The following IFNGR1 variants were observed in gnomAD, a reference collection of about 807,000 sequenced individuals.
IFNGR1 encodes the protein AVP, type 2.
IFNGR1 carries 23 observed loss-of-function variants against 35.4 expected under a neutral mutation model. The ratio of observed to expected loss-of-function variants is 0.65; its 90% CI spans 0.47 to 0.92. The LOEUF is 0.92. Ranked by LOEUF, IFNGR1 falls within the 40% of genes least tolerant of loss-of-function variation. The pLI, the probability that IFNGR1 is intolerant of heterozygous loss-of-function variation, is 0.00. For synonymous variants in IFNGR1, 199 were observed against 209.5 expected (o/e 0.95, Z 0.43); for missense variants, 533 against 583.4 (o/e 0.91, Z 0.89).
chr6:137,207,839 T>C (rs1779478756), intron 1 of IFNGR1, among the ~76,000 whole-genome samples: 1 of 152,124 alleles, frequency 6.6e-6, no homozygotes, highest in Admixed American at 6.6e-5. Flanking sequence ...GGGGCATTGC[T>C]GAAAAGATAC....
intron 1 of IFNGR1, chr6:137,218,455 A>T: frequency 2.3e-6 from 3 of 1,284,214 alleles, no homozygotes; most frequent in Non-Finnish European, 3.0e-6. Flanking sequence ...ACCTACTGCC[A>T]AATCTGCTAG....
rs1464429240 is a variant in IFNGR1 at position 137,203,669 on chromosome 6, A to G, written c.563T>C (p.Leu188Pro). The G allele has an allele frequency of 3.7e-6, 6 of 1,613,160 alleles. No homozygotes were observed. The highest frequency in any genetic ancestry group is 5.1e-6 in the Non-Finnish European group (6 of 1,179,378). The change falls in exon 5 of 7, where the codon CTC (leucine) becomes CCC (proline). Residue 188 changes from leucine to proline, a missense_variant. Physicochemically the swap from Leu to Pro is moderately conservative, Grantham distance 98 (BLOSUM62 -3). Transcript: ENST00000367739. ...MNGSEIQYKILTQKEDDCDEI... is the reference protein window; with the variant it reads ...MNGSEIQYKIPTQKEDDCDEI... Reference sequence around the variant, plus strand: ...GTCACAATCATCTTCCTTCTGCGTGAGTATTTTATACTGGATCTAGATGAA... The same window carrying G: ...GTCACAATCATCTTCCTTCTGCGTGGGTATTTTATACTGGATCTAGATGAA...
At chr6:137,219,097 G>C (rs1779781590) in intron 1 of IFNGR1, 146 bp downstream of exon 1, 2 of 1,014,432 alleles carry the variant, frequency 2.0e-6, no homozygotes, top group Non-Finnish European at 2.9e-6. Context: ...ACCCCACCTC[G>C]CGTCCCCGTC....
chr6:137,201,408 C>T (rs1779273484), intron 5 of IFNGR1, among the ~76,000 whole-genome samples: 1 of 152,194 alleles, frequency 6.6e-6, no homozygotes, highest in South Asian at 2.1e-4. Flanking sequence ...GGCACAGTGG[C>T]TCAAGCCTGT....
At chr6:137,216,373 TA>T (rs1779696670) in intron 1 of IFNGR1, among the ~76,000 whole-genome samples, 1 of 152,208 alleles carries the variant, frequency 6.6e-6, no homozygotes, top group Non-Finnish European at 1.5e-5. Context: ...TAAAAATATA[TA>T]CTACTTTTAT....
Position 137,198,539 on chromosome 6 carries a change from A to C in IFNGR1, c.962T>G (p.Val321Gly). 1 of 1,613,916 alleles carries C rather than the reference A, an allele frequency of 6.2e-7. No individual in the cohort carries two copies. Among genetic ancestry groups the C allele is most frequent in the South Asian group, 1.1e-5 (1 of 91,076 alleles). Residue 321 changes from valine to glycine, a missense_variant, in exon 7 of 7, where the codon GTC becomes GGC. Coordinates refer to ENST00000367739, the MANE Select transcript of IFNGR1 (RefSeq NM_000416.3). ...TGCTGGAGACAACGGCTCTTCACAG[A>C]CCACCTCCTTTTCTAAGGAAAATGG... ...YQPFSLEKEV[V>G]CEEPLSPATV...
intron 2 of IFNGR1, 126 bp downstream of exon 2, chr6:137,206,837 G>A: frequency 1.4e-6 from 1 of 697,574 alleles, no homozygotes; most frequent in Non-Finnish European, 2.5e-6. Context: ...TAGTACTTTT[G>A]GACCTCTATA....
At position 137,200,996 on chromosome 6, in the gene IFNGR1, A is replaced by G. The variant is rs1196861339; in HGVS notation, c.746T>C (p.Ile249Thr). 1.2e-6 allele frequency: 2 copies of G among 1,613,508 alleles called. No individual in the cohort carries two copies. The highest frequency in any genetic ancestry group is 1.7e-6 in the Non-Finnish European group (2 of 1,179,566). ...FNSSIKGSLW[I>T]PVVAALLLFL... ...GAGTAGTAAAGCAGCAACAACTGGA[A>G]TCCAAAGAGAACCTTAAAAAAGGCA... The change falls in exon 6 of 7, where the codon ATT becomes ACT. Residue 249 changes from isoleucine to threonine, a missense_variant. Ile to Thr is a moderately conservative substitution (Grantham distance 89). Transcript: ENST00000367739.
intron 1 of IFNGR1, among the ~76,000 whole-genome samples, chr6:137,207,757 T>C (rs1183753993): frequency 2.0e-5 from 3 of 152,188 alleles, no homozygotes; most frequent in Non-Finnish European, 4.4e-5. Flanking sequence ...CATCTTTTTC[T>C]TCCCAGTCTT....
chr6:137,215,694 A>G (rs1779678855), intron 1 of IFNGR1, among the ~76,000 whole-genome samples: 1 of 150,616 alleles, frequency 6.6e-6, no homozygotes, highest in Non-Finnish European at 1.5e-5. Flanking sequence ...TCATACACAA[A>G]CACACACACA....
chr6:137,206,608 A>G (rs1171840984), intron 2 of IFNGR1: 8 of 395,602 alleles, frequency 2.0e-5, no homozygotes, highest in Non-Finnish European at 3.6e-5. Context: ...ATATATGTTA[A>G]TTATAGAAGT....
chr6:137,208,803 C>T (rs991383710), intron 1 of IFNGR1, among the ~76,000 whole-genome samples: 1 of 152,252 alleles, frequency 6.6e-6, no homozygotes, highest in African/African-American at 2.4e-5. Context: ...TCACACAAGT[C>T]CCTACTGGGG....
rs373493226 is a variant in IFNGR1 at position 137,198,044 on chromosome 6, T to C, written c.1457A>G (p.Lys486Arg). The change falls in exon 7 of 7, where the codon AAA (lysine) becomes AGA (arginine). Residue 486 changes from lysine (K) to arginine (R), a missense_variant. Physicochemically the swap from Lys to Arg is conservative, Grantham distance 26. Transcript: ENST00000367739. The stretch of plus-strand genomic sequence containing the variant: ...ACTTAGCTGATCTCATGAAAATTCT[T>C]TGGAATCTTCTGTTGGTCTATAACC... ...LIGYRPTEDS[K>R]EFS is the part of the protein sequence containing the mutation. 22 of 1,613,972 alleles carry C rather than the reference T, an allele frequency of 1.4e-5. No homozygotes were observed. The highest frequency in any genetic ancestry group is 2.7e-5 in the African/African-American group (2 of 74,924).
In IFNGR1 at chr6:137,199,528, A is replaced by AATATATATTATATATT. The variant is rs1779210953; in HGVS notation, c.862-890_862-889insAATATATAATATATAT. ...ATATAATTTATAATATATTATATAT[A>AATATATATTATATATT]ATATATAATATATATTATATAACAT... On this transcript the variant is annotated intron_variant, in intron 6 of 6. Transcript: ENST00000367739. 1.1e-4 allele frequency among the ~76,000 whole-genome samples: 4 copies of AATATATATTATATATT among 36,882 alleles called. 1 individual carries two copies. Among genetic ancestry groups the AATATATATTATATATT allele is most frequent in the East Asian group, 1.1e-3 (1 of 894 alleles). 24.2% of individuals were successfully genotyped at this position (36,882 alleles called of 152,430 possible). A position where few individuals can be genotyped will look rare whatever the true frequency, so the allele number is the denominator to read the frequency against.
chr6:137,207,028 G>T lies in IFNGR1; in HGVS notation c.135C>A (p.Ile45=), dbSNP rs148104171. ...GCATGATCTGGTACTCCCAATATAC[G>T]ATAGGGTTCATGTTATAGGATTCAA... ...VTIESYNMNP[I]VYWEYQIMPQ... Residue 45 remains isoleucine (I), a synonymous_variant, in exon 2 of 7, where the codon ATC becomes ATA. Transcript: ENST00000367739. 1 of 1,613,962 alleles carries T rather than the reference G, an allele frequency of 6.2e-7. No individual in the cohort carries two copies. Among genetic ancestry groups the T allele is most frequent in the Non-Finnish European group, 8.5e-7 (1 of 1,179,912 alleles).
intron 1 of IFNGR1, among the ~76,000 whole-genome samples, chr6:137,210,445 A>G (rs991109021): frequency 4.6e-4 from 70 of 152,280 alleles, no homozygotes; most frequent in African/African-American, 1.6e-3. Flanking sequence ...ACAGTTAGCG[A>G]TGTGACCCCA....
intron 5 of IFNGR1, among the ~76,000 whole-genome samples, chr6:137,202,645 A>AC (rs1491234122): frequency 1.3e-5 from 2 of 150,996 alleles, no homozygotes; most frequent in Admixed American, 6.6e-5. Flanking sequence ...ACACACACAC[A>AC]AAGATAATCA....
At chr6:137,200,618 ATT>A (rs1245996177) in intron 6 of IFNGR1, among the ~76,000 whole-genome samples, 1 of 152,096 alleles carries the variant, frequency 6.6e-6, no homozygotes, top group African/African-American at 2.4e-5. Flanking sequence ...GCCAATGTAT[ATT>A]TATCTTTTCT....
rs980985021 is a variant in IFNGR1 at position 137,219,371 on chromosome 6, G to A, written c.-44C>T. 4.5e-6 allele frequency: 7 copies of A among 1,572,114 alleles called. No individual in the cohort carries two copies. The highest frequency in any genetic ancestry group is 6.0e-6 in the Non-Finnish European group (7 of 1,158,870). On this transcript the variant is annotated 5_prime_UTR_variant, in exon 1 of 7. Transcript: ENST00000367739. ...TGGCTCCAACCCCGAGCGCCTGCGG[G>A]ACCAGCCCAGCACTGCCCTCCAGCC... is the stretch of plus-strand genomic sequence containing the variant.
Sources: allele counts gnomAD v4.1 joint callset (sites outside exome capture counted in the v4.1 genomes callset), GRCh38; gene constraint gnomAD v4.1.1; transcripts MANE v1.5; gene names NCBI Gene and HGNC (gene_info 2026-07-23, HGNC 2026-07-21).